Variants in APPL2 observed in about 807,000 individuals in gnomAD.
The protein encoded by APPL2 is DCC-interacting protein 13-beta.
APPL2 carries 84 observed loss-of-function variants against 92.7 expected under a neutral mutation model. That is an observed-to-expected ratio of 0.91 (90% CI 0.76 to 1.09). The LOEUF (loss-of-function observed/expected upper bound fraction) is 1.09. APPL2 is among the 50% of genes least tolerant of loss of function. APPL2 has a pLI of 0.00. For missense variants in APPL2, 736 were observed against 824.5 expected, an observed-to-expected ratio of 0.89 and a Z score of 1.31; for synonymous variants, 291 against 291.0, an observed-to-expected ratio of 1.00 and a Z score of 0.00.
chr12:105,217,769 T>C (rs1023391155), intron 2 of APPL2, 44 bp from the exon 3 acceptor site: 2 of 1,581,472 alleles, frequency 1.3e-6, no homozygotes, highest in Admixed American at 1.7e-5. Context: ...GTCCAATGTA[T>C]ACATAGTCAC....
In APPL2 at chr12:105,176,905, T is replaced by G; in HGVS notation, c.1783A>C (p.Ile595Leu). The change falls in exon 19 of 21, where the codon ATT (isoleucine) becomes CTT (leucine). Residue 595 changes from isoleucine to leucine, a missense_variant. Physicochemically the swap from Ile to Leu is conservative, Grantham distance 5. Transcript: ENST00000258530. ...TCGCCTTCTGAGTTGCTTTCAAAAA[T>G]GTATGTACTCAGAGATTCTTCTCCA... ...STGEESLSTYIFESNSEGEKI... is the reference protein window; with the variant it reads ...STGEESLSTYLFESNSEGEKI... The G allele has an allele frequency of 6.2e-7, 1 of 1,614,108 alleles. No homozygotes were observed. The highest frequency in any genetic ancestry group is 8.5e-7 in the Non-Finnish European group (1 of 1,180,006).
At chr12:105,206,173 T>A (rs995574515) in intron 8 of APPL2, among the ~76,000 whole-genome samples, 1 of 152,250 alleles carries the variant, frequency 6.6e-6, no homozygotes, top group Admixed American at 6.5e-5. Flanking sequence ...TTTTGTTGAA[T>A]GACACTGACG....
intron 8 of APPL2, among the ~76,000 whole-genome samples, chr12:105,206,611 C>A (rs1467292527): frequency 6.6e-6 from 1 of 152,154 alleles, no homozygotes; most frequent in Admixed American, 6.5e-5. Context: ...TCCCCATGCC[C>A]AGATGTTAAG....
chr12:105,183,932 A>G (rs931128467), intron 17 of APPL2, among the ~76,000 whole-genome samples: 1 of 152,046 alleles, frequency 6.6e-6, no homozygotes, highest in Non-Finnish European at 1.5e-5. Flanking sequence ...ATAGTCCCAT[A>G]TTTCTTAGAG....
chr12:105,184,101 T>C (rs1452988501), intron 17 of APPL2, among the ~76,000 whole-genome samples: 2 of 152,184 alleles, frequency 1.3e-5, no homozygotes, highest in African/African-American at 4.8e-5. Context: ...GTGTTTTTCA[T>C]CTCCATCAGG....
rs1886916969 is a variant in APPL2, at chr12:105,188,407, T to C, written c.1500A>G (p.Gly500=). ...LQQMFIVRFL[G]SMAVKTDSTT... Reference sequence around the variant, plus strand: ...TGCTGTCTGTTTTAACTGCCATTGATCCCAAAAACCGAACTATAAACATCT... The same window carrying C: ...TGCTGTCTGTTTTAACTGCCATTGACCCCAAAAACCGAACTATAAACATCT... Residue 500 remains glycine (G), a synonymous_variant, in exon 17 of 21, where the codon GGA becomes GGG. Coordinates refer to ENST00000258530, the MANE Select transcript of APPL2 (RefSeq NM_018171.5). The C allele has an allele frequency of 2.5e-6, 4 of 1,614,032 alleles. No homozygotes were observed. Among genetic ancestry groups the C allele is most frequent in the Non-Finnish European group, 3.4e-6 (4 of 1,180,018 alleles).
chr12:105,180,426 T>C (rs1372935139), intron 17 of APPL2, among the ~76,000 whole-genome samples: 1 of 152,244 alleles, frequency 6.6e-6, no homozygotes, highest in Non-Finnish European at 1.5e-5. Context: ...TCCAGCTTTG[T>C]TCCTTTTGCT....
intron 17 of APPL2, 88 bp downstream of exon 17, chr12:105,188,185 C>T: frequency 1.4e-6 from 2 of 1,425,918 alleles, no homozygotes; most frequent in South Asian, 1.3e-5. Context: ...CTCTTCATTC[C>T]AGTACTAACA....
At chr12:105,183,068 T>C (rs1014950378) in intron 17 of APPL2, among the ~76,000 whole-genome samples, 3 of 99,106 alleles carry the variant, frequency 3.0e-5, no homozygotes, top group Non-Finnish European at 3.9e-5. Context: ...TTGCAACCCC[T>C]GCTTTTTTTT....
intron 11 of APPL2, among the ~76,000 whole-genome samples, chr12:105,195,974 G>A (rs961776910): frequency 4.0e-5 from 6 of 151,376 alleles, no homozygotes; most frequent in Admixed American, 6.6e-5. Flanking sequence ...AGGATCGATC[G>A]AGCCCAGGAG....
At chr12:105,212,601 T>C (rs192664870) in intron 4 of APPL2, among the ~76,000 whole-genome samples, 1 of 152,344 alleles carries the variant, frequency 6.6e-6, no homozygotes, top group African/African-American at 2.4e-5. Flanking sequence ...AATCTAGACG[T>C]TGGCAATGAA....
chr12:105,199,130 G>A lies in APPL2; in HGVS notation c.863+243C>T, dbSNP rs563556519. On this transcript the variant is annotated intron_variant, in intron 10 of 20. Coordinates refer to ENST00000258530, the MANE Select transcript of APPL2 (RefSeq NM_018171.5). ...TGGTCTGTTTGCACATGGCCACAGT[G>A]ACCAGAGTCCACAGCACCAGGCTCT... 8.5e-5 allele frequency among the ~76,000 whole-genome samples: 13 copies of A among 152,274 alleles called. No homozygotes were observed. The East Asian group carries it at 2.3e-3, about 27-fold the overall frequency.
chr12:105,206,698 C>A (rs747227652), intron 8 of APPL2, among the ~76,000 whole-genome samples: 1 of 152,086 alleles, frequency 6.6e-6, no homozygotes, highest in Non-Finnish European at 1.5e-5. Flanking sequence ...CAAGGAGTGC[C>A]GGGAATCCTG....
rs781017403 is a variant in APPL2, at chr12:105,220,815, C to T, written c.154-3090G>A. Among the ~76,000 whole-genome samples, 9 of 152,246 alleles carry T rather than the reference C, an allele frequency of 5.9e-5. 1 individual carries two copies. The highest frequency in any genetic ancestry group is 1.7e-4 in the African/African-American group (7 of 41,460). On this transcript the variant is annotated intron_variant, in intron 2 of 20. Coordinates refer to ENST00000258530, the MANE Select transcript of APPL2 (RefSeq NM_018171.5). ...TCACACAGCCACACAGCTCCACCTC[C>T]GCTCAGGGAAGAAGGGGCACAGCGT... is the stretch of plus-strand genomic sequence containing the variant.
At chr12:105,227,247 C>T (rs1349315206) in intron 2 of APPL2, among the ~76,000 whole-genome samples, 1 of 152,108 alleles carries the variant, frequency 6.6e-6, no homozygotes, top group African/African-American at 2.4e-5. Flanking sequence ...AGCAATCCTC[C>T]CGTCTTGGTC....
In APPL2 at chr12:105,176,882, G is replaced by A. The variant is rs1337015400; in HGVS notation, c.1806C>T (p.Gly602=). The change falls in exon 19 of 21, where the codon GGC becomes GGT. Residue 602 remains glycine, a synonymous_variant. Coordinates refer to ENST00000258530, the MANE Select transcript of APPL2 (RefSeq NM_018171.5). The stretch of plus-strand genomic sequence containing the variant: ...CTTCACATGAAAAAGAGACCTTTTC[G>A]CCTTCTGAGTTGCTTTCAAAAATGT... ...STYIFESNSE[G]EKICYAINLG... 10 of 1,613,602 alleles carry A rather than the reference G, an allele frequency of 6.2e-6. No homozygotes were observed. The highest frequency in any genetic ancestry group is 4.5e-5 in the East Asian group (2 of 44,868).
intron 11 of APPL2, among the ~76,000 whole-genome samples, chr12:105,196,453 T>G (rs965528122): frequency 8.9e-4 from 68 of 76,132 alleles, no homozygotes; most frequent in Middle Eastern, 0.014. Flanking sequence ...TTTTTTTTTT[T>G]GATGGAGTTT....
intron 16 of APPL2, among the ~76,000 whole-genome samples, chr12:105,189,018 T>C (rs1886969199): frequency 6.6e-6 from 1 of 151,934 alleles, no homozygotes; most frequent in Non-Finnish European, 1.5e-5. Flanking sequence ...AAGAAGGTTT[T>C]TTCTTTTTTT....
chr12:105,211,387 A>C, intron 4 of APPL2, 70 bp from the exon 5 acceptor site: 1 of 1,168,338 alleles, frequency 8.6e-7, no homozygotes, highest in Non-Finnish European at 1.3e-6. Flanking sequence ...TCATTTCACC[A>C]AGGAATCACA....
Sources: allele counts gnomAD v4.1 joint callset (sites outside exome capture counted in the v4.1 genomes callset), GRCh38; gene constraint gnomAD v4.1.1; transcripts MANE v1.5; gene names NCBI Gene and HGNC (gene_info 2026-07-23, HGNC 2026-07-21).